Variants in PHOX2A observed in about 807,000 individuals in gnomAD.
PHOX2A encodes paired mesoderm homeobox protein 2A.
A neutral mutation model predicts 16.4 loss-of-function variants in PHOX2A; 10 were observed. That is an observed-to-expected ratio of 0.61 (90% CI 0.38 to 1.04). The LOEUF is 1.04. Ranked by LOEUF, PHOX2A falls within the 50% of genes least tolerant of loss-of-function variation. The pLI, the probability that PHOX2A is intolerant of heterozygous loss-of-function variation, is 0.01. For missense variants in PHOX2A, 361 were observed against 419.4 expected (o/e 0.86, Z 1.22); for synonymous variants, 219 against 203.8 (o/e 1.07, Z -0.64).
At chr11:72,243,706 G>A in intron 1 of PHOX2A, 82 bp downstream of exon 1, 1 of 795,306 alleles carries the variant, frequency 1.3e-6, no homozygotes, top group Non-Finnish European at 1.7e-6. Context: ...GGCGGCTGAG[G>A]GGGACAGTCG....
rs1483223545 is a variant in PHOX2A, at chr11:72,240,187, C to T, written c.417G>A (p.Gln139=). ...GTTTGCGGAACTTGGCCCGGCGGTT[C>T]TGGAACCAGACCTGCGGGCACAGGG... ...LTEARVQVWF[Q]NRRAKFRKQE... is the part of the protein sequence containing the mutation. Residue 139 remains glutamine, a synonymous_variant, in exon 3 of 3, where the codon CAG becomes CAA. Transcript: ENST00000298231. The T allele has an allele frequency of 4.6e-6, 7 of 1,535,648 alleles. No homozygotes were observed. The South Asian group carries it at 4.8e-5, about 10-fold the overall frequency.
Position 72,239,792 on chromosome 11 carries a change from AAGG to A in PHOX2A, c.809_811del (p.Ser270del). Reference sequence around the variant, plus strand: ...CAGGGCGGGGCCGGGCTTCCGGTGAAAGGAGGACAGAACCCCGGAGAAGGGCCC... The same window carrying A: ...CAGGGCGGGGCCGGGCTTCCGGTGAAAGGACAGAACCCCGGAGAAGGGCCC... On this transcript the variant is annotated inframe_deletion, in exon 3 of 3. Coordinates refer to ENST00000298231, the MANE Select transcript of PHOX2A (RefSeq NM_005169.4). 3 of 1,343,798 alleles carry A rather than the reference AAGG, an allele frequency of 2.2e-6. No individual in the cohort carries two copies. The highest frequency in any genetic ancestry group is 2.9e-6 in the Non-Finnish European group (3 of 1,038,724). The allele number at this position is 1,343,798 out of a possible 1,614,324, so 83.2% of individuals were successfully genotyped here. A position where few individuals can be genotyped will look rare whatever the true frequency, so the allele number is the denominator to read the frequency against.
chr11:72,244,024 G>A lies in PHOX2A; in HGVS notation c.-20C>T, dbSNP rs766224175. On this transcript the variant is annotated 5_prime_UTR_variant, in exon 1 of 3. Coordinates refer to ENST00000298231, the MANE Select transcript of PHOX2A (RefSeq NM_005169.4). ...GTCCATCGGCCCGGGGGGCGGGGGC[G>A]GGGGCCGGGCCAGGCCGGGTCGGGG... 2.5e-6 allele frequency: 3 copies of A among 1,209,286 alleles called. No homozygotes were observed. The highest frequency in any genetic ancestry group is 3.2e-6 in the Non-Finnish European group (3 of 951,104). The allele number at this position is 1,209,286 out of a possible 1,614,324, so 74.9% of individuals were successfully genotyped here.
rs200556921 is a variant in PHOX2A at position 72,240,115 on chromosome 11, G to GGCGCCCGCC, written c.480_488dup (p.Ala161_Ala163dup). On this transcript the variant is annotated inframe_insertion, in exon 3 of 3. Transcript: ENST00000298231. Reference sequence around the variant, plus strand: ...AGGAGCAGCGCGCCTCGCCCTTTTTGGCGCCCGCCGCGCCCGCCGCGCCCT... The same window carrying GGCGCCCGCC: ...AGGAGCAGCGCGCCTCGCCCTTTTTGGCGCCCGCCGCGCCCGCCGCGCCCGCCGCGCCCT... 479 of 1,532,046 alleles carry GGCGCCCGCC rather than the reference G, an allele frequency of 3.1e-4. No homozygotes were observed. Among genetic ancestry groups the GGCGCCCGCC allele is most frequent in the Middle Eastern group, 8.9e-4 (4 of 4,486 alleles). The allele number at this position is 1,532,046 out of a possible 1,614,324, so 94.9% of individuals were successfully genotyped here.
intron 2 of PHOX2A, 117 bp from the exon 3 acceptor site, chr11:72,240,315 C>A (rs1006166502): frequency 2.1e-6 from 3 of 1,404,318 alleles, no homozygotes; most frequent in Non-Finnish European, 2.8e-6. Flanking sequence ...CGGGTTCTTA[C>A]TAGTTGGAGG....
chr11:72,240,092 G>A lies in PHOX2A; in HGVS notation c.512C>T (p.Ser171Phe), dbSNP rs1184175409. The A allele has an allele frequency of 3.9e-6, 6 of 1,531,142 alleles. No individual in the cohort carries two copies. Among genetic ancestry groups the A allele is most frequent in the African/African-American group, 1.4e-5 (1 of 72,588 alleles). The allele number at this position is 1,531,142 out of a possible 1,614,324, so 94.8% of individuals were successfully genotyped here. A position where few individuals can be genotyped will look rare whatever the true frequency, so the allele number is the denominator to read the frequency against. Residue 171 changes from serine to phenylalanine, a missense_variant, in exon 3 of 3, where the codon TCC (serine) becomes TTC (phenylalanine). By Grantham distance (155) the Ser-to-Phe change is radical. Transcript: ENST00000298231. ...AGAKKGEARC[S>F]SEDDDSKEST... ...CTCCTTGGAATCGTCGTCCTCGGAG[G>A]AGCAGCGCGCCTCGCCCTTTTTGGC... is the stretch of plus-strand genomic sequence containing the variant.
chr11:72,241,308 G>GCT lies in PHOX2A; in HGVS notation c.218-20_218-19insAG. ...TAGGGCACTGCGGGTGTGTGCAGGG[G>GCT]GGCCGGGGGGGGGGCAAAAAGGATG... On this transcript the variant is annotated intron_variant, in intron 1 of 2. Transcript: ENST00000298231. 1 of 1,234,130 alleles carries GCT rather than the reference G, an allele frequency of 8.1e-7. No individual in the cohort carries two copies. The highest frequency in any genetic ancestry group is 2.5e-5 in the East Asian group (1 of 40,728). 76.4% of individuals were successfully genotyped at this position (1,234,130 alleles called of 1,614,324 possible).
At chr11:72,242,316 C>T (rs1029331882) in intron 1 of PHOX2A, among the ~76,000 whole-genome samples, 6 of 152,166 alleles carry the variant, frequency 3.9e-5, no homozygotes, top group Non-Finnish European at 8.8e-5. Context: ...ATTCTTGTCT[C>T]CAGCACCCCA....
At chr11:72,240,233 G>A (rs1216926949) in intron 2 of PHOX2A, 35 bp from the exon 3 acceptor site, 1 of 1,529,478 alleles carries the variant, frequency 6.5e-7, no homozygotes, top group Non-Finnish European at 8.7e-7. Context: ...CTGGACGAGG[G>A]TCGGAGAACG....
At position 72,240,075 on chromosome 11, in the gene PHOX2A, A is replaced by C; in HGVS notation, c.529T>G (p.Ser177Ala). The change falls in exon 3 of 3, where the codon TCC (serine) becomes GCC (alanine). Residue 177 changes from serine (S) to alanine (A), a missense_variant. By Grantham distance (99) the Ser-to-Ala change is moderately conservative (BLOSUM62 1). Around this residue, in one of 3 missense-constraint regions of PHOX2A, gnomAD observed 235 missense variants for 263.8 expected, o/e 0.89. Transcript: ENST00000298231. ...GTGGGGCTGCACGTGGACTCCTTGG[A>C]ATCGTCGTCCTCGGAGGAGCAGCGC... ...EARCSSEDDD[S>A]KESTCSPTPD... 1 of 1,530,638 alleles carries C rather than the reference A, an allele frequency of 6.5e-7. No individual in the cohort carries two copies. 94.8% of individuals were successfully genotyped at this position (1,530,638 alleles called of 1,614,324 possible).
Position 72,241,092 on chromosome 11 carries a change from A to G in PHOX2A, c.405+10T>C. ...TGCGCACTCTCGTACACACACGTGC[A>G]TACACGCACCTGCACGCGAGCCTCA... On this transcript the variant is annotated intron_variant, in intron 2 of 2. Coordinates refer to ENST00000298231, the MANE Select transcript of PHOX2A (RefSeq NM_005169.4). The G allele has an allele frequency of 6.2e-7, 1 of 1,613,062 alleles. No individual in the cohort carries two copies. Among genetic ancestry groups the G allele is most frequent in the African/African-American group, 1.3e-5 (1 of 75,052 alleles).
chr11:72,240,305 C>T (rs1949106211), intron 2 of PHOX2A, 107 bp from the exon 3 acceptor site: 2 of 1,446,720 alleles, frequency 1.4e-6, no homozygotes, highest in African/African-American at 1.4e-5. Context: ...GAACCGGGCC[C>T]GGGTTCTTAC....
At position 72,239,929 on chromosome 11, in the gene PHOX2A, C is replaced by T. The variant is rs1386431415; in HGVS notation, c.675G>A (p.Gln225=). 5 of 1,305,134 alleles carry T rather than the reference C, an allele frequency of 3.8e-6. No homozygotes were observed. Among genetic ancestry groups the T allele is most frequent in the Admixed American group, 4.1e-5 (1 of 24,296 alleles). The allele number at this position is 1,305,134 out of a possible 1,614,324, so 80.8% of individuals were successfully genotyped here. A position where few individuals can be genotyped will look rare whatever the true frequency, so the allele number is the denominator to read the frequency against. ...GSGPGPGPGP[Q]PLKGALWAGV... The stretch of plus-strand genomic sequence containing the variant: ...CGGCCCACAGTGCGCCCTTGAGCGG[C>T]TGTGGCCCCGGCCCAGGTCCCGGCC... The change falls in exon 3 of 3, where the codon CAG becomes CAA. Residue 225 remains glutamine, a synonymous_variant. Transcript: ENST00000298231.
Position 72,243,909 on chromosome 11 carries a change from G to A in PHOX2A, c.96C>T (p.Gly32=). The change falls in exon 1 of 3, where the codon GGC becomes GGT. Residue 32 remains glycine, a synonymous_variant. Transcript: ENST00000298231. ...CGGGCCGCAGGGGGCTGTATTGGAA[G>A]CCGCCGGGCTGGCTGCAGGCGCCAA... ...GDFGACSQPG[G]FQYSPLRPAF... is the part of the protein sequence containing the mutation. 7.7e-7 allele frequency: 1 copy of A among 1,297,582 alleles called. No homozygotes were observed. The highest frequency in any genetic ancestry group is 9.8e-7 in the Non-Finnish European group (1 of 1,017,678). 80.4% of individuals were successfully genotyped at this position (1,297,582 alleles called of 1,614,324 possible). A position where few individuals can be genotyped will look rare whatever the true frequency, so the allele number is the denominator to read the frequency against.
chr11:72,243,603 A>C (rs921395147), intron 1 of PHOX2A, among the ~76,000 whole-genome samples, 185 bp downstream of exon 1: 2 of 151,770 alleles, frequency 1.3e-5, no homozygotes, highest in Non-Finnish European at 2.9e-5. Context: ...GGAACAGGAG[A>C]GATGAGAGGG....
Position 72,239,942 on chromosome 11 carries a change from C to A in PHOX2A, c.662G>T (p.Gly221Val). The change falls in exon 3 of 3, where the codon GGG becomes GTG. Residue 221 changes from glycine to valine, a missense_variant. Transcript: ENST00000298231. ...GCCCTTGAGCGGCTGTGGCCCCGGCCCAGGTCCCGGCCCGGAGCCCAGTGC... is the reference window on the plus strand; with the variant it reads ...GCCCTTGAGCGGCTGTGGCCCCGGCACAGGTCCCGGCCCGGAGCCCAGTGC... ...PVALGSGPGPGPGPQPLKGAL... is the reference protein window; with the variant it reads ...PVALGSGPGPVPGPQPLKGAL... The A allele has an allele frequency of 7.7e-7, 1 of 1,299,266 alleles. No individual in the cohort carries two copies. The highest frequency in any genetic ancestry group is 9.8e-7 in the Non-Finnish European group (1 of 1,023,278). The allele number at this position is 1,299,266 out of a possible 1,614,324, so 80.5% of individuals were successfully genotyped here. A position where few individuals can be genotyped will look rare whatever the true frequency, so the allele number is the denominator to read the frequency against.
chr11:72,243,125 G>C (rs1457670546), intron 1 of PHOX2A, among the ~76,000 whole-genome samples: 1 of 152,204 alleles, frequency 6.6e-6, no homozygotes, highest in Admixed American at 6.5e-5. Flanking sequence ...CTAAAGTCTT[G>C]GGGATGCAGG....
intron 2 of PHOX2A, 130 bp from the exon 3 acceptor site, chr11:72,240,328 C>A (rs1949106448): frequency 2.4e-6 from 3 of 1,260,700 alleles, no homozygotes; most frequent in South Asian, 1.5e-5. Context: ...GTTGGAGGGG[C>A]CTTCGGCCCT....
At chr11:72,242,099 C>T (rs948308863) in intron 1 of PHOX2A, among the ~76,000 whole-genome samples, 4 of 151,988 alleles carry the variant, frequency 2.6e-5, no homozygotes, top group Non-Finnish European at 5.9e-5. Context: ...CCTTCTTCCT[C>T]CCCAGGCACC....
Sources: allele counts gnomAD v4.1 joint callset (sites outside exome capture counted in the v4.1 genomes callset), GRCh38; gene constraint gnomAD v4.1.1; regional missense constraint gnomAD v4.1.1; transcripts MANE v1.5; gene names NCBI Gene and HGNC (gene_info 2026-07-23, HGNC 2026-07-21).